The following NRG1 variants were observed in gnomAD, a reference collection of about 807,000 sequenced individuals.
NRG1 encodes the protein neuregulin 1, also known as pro-neuregulin-1, membrane-bound isoform.
Under a neutral mutation model 63.8 loss-of-function variants are expected in NRG1, and 18 were observed. The ratio of observed to expected loss-of-function variants is 0.28; its 90% CI spans 0.19 to 0.42. The LOEUF is 0.42. Ranked by LOEUF, NRG1 falls within the 10% of genes least tolerant of loss-of-function variation. The pLI, the probability that NRG1 is intolerant of heterozygous loss-of-function variation, is 1.00. For synonymous variants in NRG1, 302 were observed against 301.3 expected (o/e 1.00, Z -0.02); for missense variants, 762 against 814.7 (o/e 0.94, Z 0.79).
intron 1 of NRG1, among the ~76,000 whole-genome samples, chr8:31,905,025 T>A (rs1291443176): frequency 7.0e-6 from 1 of 142,206 alleles, no homozygotes; most frequent in African/African-American, 2.9e-5. Flanking sequence ...AAATAAAGTT[T>A]TTTTAAAAAA....
chr8:31,747,632 A>G (rs1054293554), intron 1 of NRG1, among the ~76,000 whole-genome samples: 1 of 151,964 alleles, frequency 6.6e-6, no homozygotes, highest in Non-Finnish European at 1.5e-5. Context: ...GTGTGGTCAC[A>G]AGAATATTTT....
intron 1 of NRG1, among the ~76,000 whole-genome samples, chr8:32,116,416 T>C (rs1048058063): frequency 6.6e-6 from 1 of 152,064 alleles, no homozygotes; most frequent in African/African-American, 2.4e-5. Context: ...TTAAGAGAAG[T>C]GTAAGGTCAG....
chr8:32,076,535 G>A (rs929845450), intron 1 of NRG1, among the ~76,000 whole-genome samples: 1 of 151,940 alleles, frequency 6.6e-6, no homozygotes, highest in East Asian at 1.9e-4. Flanking sequence ...AAAATTCCAC[G>A]GACTGTGGAA....
At chr8:32,592,725 A>G (rs1210452256) in intron 1 of NRG1, among the ~76,000 whole-genome samples, 1 of 152,176 alleles carries the variant, frequency 6.6e-6, no homozygotes, top group Non-Finnish European at 1.5e-5. Context: ...GACTATATTG[A>G]TAAGCAAATA....
At chr8:32,123,477 A>G (rs909437227) in intron 1 of NRG1, among the ~76,000 whole-genome samples, 3 of 151,854 alleles carry the variant, frequency 2.0e-5, no homozygotes, top group African/African-American at 7.3e-5. Context: ...CTGTGAGTCA[A>G]TTAAACCTCT....
At chr8:31,755,426 T>C (rs527733042) in intron 1 of NRG1, among the ~76,000 whole-genome samples, 1 of 152,266 alleles carries the variant, frequency 6.6e-6, no homozygotes, top group Admixed American at 6.5e-5. Context: ...CTGTGTTTAC[T>C]GTACTGTGCT....
intron 1 of NRG1, among the ~76,000 whole-genome samples, chr8:31,977,113 G>A (rs759139458): frequency 1.3e-5 from 2 of 152,090 alleles, no homozygotes; most frequent in African/African-American, 2.4e-5. Context: ...TAATTTCCTC[G>A]TTGTCATTCC....
intron 5 of NRG1, chr8:32,722,078 T>A: frequency 1.4e-6 from 2 of 1,456,752 alleles, no homozygotes; most frequent in Non-Finnish European, 1.9e-6. Flanking sequence ...TTGTAGTGAC[T>A]AGCAGTTTAA....
intron 1 of NRG1, among the ~76,000 whole-genome samples, chr8:32,295,722 A>G (rs180795985): frequency 1.4e-3 from 217 of 152,046 alleles, no homozygotes; most frequent in Non-Finnish European, 2.8e-3. Flanking sequence ...AGGCCCAGGC[A>G]GGTGGATCAC....
At position 32,440,240 on chromosome 8, in the gene NRG1, C is replaced by G. The variant is rs142244221; in HGVS notation, c.38-155588C>G. Among the ~76,000 whole-genome samples the G allele has an allele frequency of 1.9e-3, 284 of 152,256 alleles. 4 individuals carry two copies. In the East Asian group the frequency reaches 0.029, roughly 16 times the overall value. On this transcript the variant is annotated intron_variant, in intron 1 of 10. Coordinates refer to the NRG1 transcript ENST00000519301. ...CAATCATCTCCCACCAGGCACCTCC[C>G]CTGACATGTGGGGACTACAATTCTA...
chr8:31,916,529 T>C (rs1396175632), intron 1 of NRG1, among the ~76,000 whole-genome samples: 1 of 152,244 alleles, frequency 6.6e-6, no homozygotes, highest in African/African-American at 2.4e-5. Flanking sequence ...ATAAAGGACA[T>C]GAACTCATCC....
chr8:32,175,679 C>A (rs554918148), intron 1 of NRG1, among the ~76,000 whole-genome samples: 5 of 152,080 alleles, frequency 3.3e-5, no homozygotes, highest in African/African-American at 1.2e-4. Flanking sequence ...GCATTCTTAT[C>A]CACCCATAAC....
intron 1 of NRG1, among the ~76,000 whole-genome samples, chr8:32,185,962 T>G (rs1225969038): frequency 6.6e-6 from 1 of 152,238 alleles, no homozygotes; most frequent in African/African-American, 2.4e-5. Flanking sequence ...ATTTTCAAAA[T>G]GTTTTTGTCT....
chr8:32,161,737 C>A (rs906795826), intron 1 of NRG1, among the ~76,000 whole-genome samples: 3 of 152,220 alleles, frequency 2.0e-5, no homozygotes, highest in African/African-American at 4.8e-5. Flanking sequence ...GGAATCCATT[C>A]TCTTCCTATA....
chr8:32,447,424 A>T (rs928963431), intron 1 of NRG1, among the ~76,000 whole-genome samples: 1 of 152,160 alleles, frequency 6.6e-6, no homozygotes, highest in Non-Finnish European at 1.5e-5. Flanking sequence ...AATAACAATG[A>T]AGCTAATCAC....
rs1042539279 is a variant in NRG1, at chr8:31,688,637, G to A, written c.37+49206G>A. Among the ~76,000 whole-genome samples, 5 of 152,268 alleles carry A rather than the reference G, an allele frequency of 3.3e-5. No individual in the cohort carries two copies. The East Asian group carries it at 7.7e-4, about 23-fold the overall frequency. ...CCGACTATACACATATATACACTAT[G>A]ATTATATTTTTATTTACAAAAGCTA... On this transcript the variant is annotated intron_variant, in intron 1 of 10. Coordinates refer to the NRG1 transcript ENST00000519301.
At chr8:31,818,850 T>G (rs1022889542) in intron 1 of NRG1, among the ~76,000 whole-genome samples, 8 of 151,886 alleles carry the variant, frequency 5.3e-5, no homozygotes, top group South Asian at 2.1e-4. Context: ...GAGGTCAGGA[T>G]ATCGAGACCA....
At chr8:32,414,413 T>A (rs1272155919) in intron 1 of NRG1, among the ~76,000 whole-genome samples, 1 of 152,256 alleles carries the variant, frequency 6.6e-6, no homozygotes, top group Non-Finnish European at 1.5e-5. Flanking sequence ...ATCTCCCTTT[T>A]TCTTGCCATT....
intron 6 of NRG1, 99 bp downstream of exon 6, chr8:32,728,177 T>C (rs1199421334): frequency 3.9e-6 from 6 of 1,555,474 alleles, no homozygotes; most frequent in Non-Finnish European, 5.2e-6. Flanking sequence ...CCAATTTTGT[T>C]GCATCATGTT....
Sources: gnomAD v4.1 joint callset for allele counts (sites outside exome capture counted in the v4.1 genomes callset) on GRCh38, gnomAD v4.1.1 for gene constraint, MANE v1.5 for transcripts, NCBI Gene and HGNC (gene_info 2026-07-23, HGNC 2026-07-21) for gene names.